The following FHIT variants were observed in gnomAD, a reference collection of about 807,000 sequenced individuals.
FHIT encodes the protein bis(5'-adenosyl)-triphosphatase.
In FHIT, 19 loss-of-function variants were observed where a neutral mutation model predicts 17.9. The observed-to-expected ratio is 1.06, with a 90% confidence interval of 0.74 to 1.56. The LOEUF (loss-of-function observed/expected upper bound fraction) is 1.56. Ranked by LOEUF, FHIT falls within the 40% of genes most tolerant of loss-of-function variation. The pLI, the probability that FHIT is intolerant of heterozygous loss-of-function variation, is 0.00. For synonymous variants in FHIT, 81 were observed against 69.7 expected, an observed-to-expected ratio of 1.16 and a Z score of -0.81; for missense variants, 248 against 189.2, an observed-to-expected ratio of 1.31 and a Z score of -1.82.
intron 5 of FHIT, among the ~76,000 whole-genome samples, chr3:60,138,543 C>G (rs1699909917): frequency 6.6e-6 from 1 of 152,132 alleles, no homozygotes; most frequent in Non-Finnish European, 1.5e-5. Context: ...GTTCCACATG[C>G]TATGCTATCA....
intron 5 of FHIT, among the ~76,000 whole-genome samples, chr3:60,446,704 T>G (rs1187818862): frequency 6.6e-6 from 1 of 151,830 alleles, no homozygotes; most frequent in African/African-American, 2.4e-5. Flanking sequence ...ACTTAAAATA[T>G]TAGCCAGGTA....
intron 4 of FHIT, among the ~76,000 whole-genome samples, chr3:60,820,788 A>G (rs1701897639): frequency 6.6e-6 from 1 of 152,286 alleles, no homozygotes; most frequent in East Asian, 1.9e-4. Context: ...CATATTTATT[A>G]TACATGTTAA....
At chr3:60,392,456 A>G (rs1701270349) in intron 5 of FHIT, among the ~76,000 whole-genome samples, 1 of 152,210 alleles carries the variant, frequency 6.6e-6, no homozygotes, top group Non-Finnish European at 1.5e-5. Flanking sequence ...CAAGGAAAAA[A>G]TTCACCTTGT....
At chr3:60,950,333 G>C (rs983318196) in intron 3 of FHIT, among the ~76,000 whole-genome samples, 1 of 152,180 alleles carries the variant, frequency 6.6e-6, no homozygotes, top group Admixed American at 6.5e-5. Context: ...TTTATTGAGA[G>C]CTGTTATCTT....
In FHIT at chr3:60,252,724, C is replaced by T. The variant is rs898765331; in HGVS notation, c.104-238572G>A. The stretch of plus-strand genomic sequence containing the variant: ...AAAAAGACTGGGCTGGGCGCGGTGG[C>T]TCATGCCTGTAATCCCAGCACTTTG... On this transcript the variant is annotated intron_variant, in intron 5 of 9. Coordinates refer to ENST00000492590, the MANE Select transcript of FHIT (RefSeq NM_002012.4). Among the ~76,000 whole-genome samples the T allele has an allele frequency of 3.3e-5, 5 of 152,084 alleles. No homozygotes were observed. The East Asian group carries it at 9.7e-4, about 29-fold the overall frequency.
intron 3 of FHIT, among the ~76,000 whole-genome samples, chr3:60,895,374 C>G (rs1034140622): frequency 6.6e-6 from 1 of 152,128 alleles, no homozygotes; most frequent in African/African-American, 2.4e-5. Flanking sequence ...GCCAGATTAC[C>G]TCACTGTATG....
At chr3:60,212,648 G>GA (rs148063857) in intron 5 of FHIT, among the ~76,000 whole-genome samples, 1,528 of 152,160 alleles carry the variant, frequency 0.01, 18 homozygotes, top group African/African-American at 0.035. Flanking sequence ...AGTAAGATAA[G>GA]AAAAAATCTA....
At chr3:59,887,476 A>C (rs1325306063) in intron 8 of FHIT, among the ~76,000 whole-genome samples, 2 of 152,192 alleles carry the variant, frequency 1.3e-5, no homozygotes, top group African/African-American at 4.8e-5. Flanking sequence ...CAGCAGTCAG[A>C]GAGCCAAGAA....
At chr3:59,969,647 G>C (rs754100324) in intron 7 of FHIT, among the ~76,000 whole-genome samples, 7 of 152,026 alleles carry the variant, frequency 4.6e-5, no homozygotes, top group African/African-American at 1.7e-4. Context: ...CTTCATTTGC[G>C]TACTTGCGTG....
At chr3:60,732,554 T>C (rs1274129119) in intron 4 of FHIT, 7 of 639,904 alleles carry the variant, frequency 1.1e-5, no homozygotes, top group South Asian at 2.8e-5. Context: ...CTTTGGAACC[T>C]CGTCTGCAAA....
intron 3 of FHIT, among the ~76,000 whole-genome samples, chr3:60,949,025 G>C (rs1708760992): frequency 1.3e-5 from 2 of 152,132 alleles, no homozygotes; most frequent in South Asian, 2.1e-4. Context: ...ACTTATAGTT[G>C]TATATAGTTG....
intron 2 of FHIT, among the ~76,000 whole-genome samples, chr3:61,082,754 T>C (rs1358317963): frequency 3.3e-5 from 5 of 152,230 alleles, no homozygotes; most frequent in African/African-American, 1.2e-4. Context: ...CAATGGTAGC[T>C]CATTGTCTCT....
intron 5 of FHIT, among the ~76,000 whole-genome samples, chr3:60,055,497 C>T (rs1702046126): frequency 1.3e-5 from 2 of 150,346 alleles, no homozygotes; most frequent in African/African-American, 2.5e-5. Flanking sequence ...GGCTCTCAGC[C>T]AATTTCTGTG....
chr3:60,325,751 TTCAG>T (rs1282412149), intron 5 of FHIT, among the ~76,000 whole-genome samples: 1 of 152,174 alleles, frequency 6.6e-6, no homozygotes, highest in Non-Finnish European at 1.5e-5. Flanking sequence ...CAGAATAAAA[TTCAG>T]TCAGTGTCCT....
At chr3:60,753,656 A>G (rs955049788) in intron 4 of FHIT, among the ~76,000 whole-genome samples, 3 of 152,214 alleles carry the variant, frequency 2.0e-5, no homozygotes, top group African/African-American at 7.2e-5. Context: ...AAGTTTTCTC[A>G]TGACACTACT....
chr3:60,179,937 G>T (rs560912924), intron 5 of FHIT, among the ~76,000 whole-genome samples: 2 of 152,166 alleles, frequency 1.3e-5, no homozygotes, highest in Non-Finnish European at 2.9e-5. Flanking sequence ...GATGGAATCT[G>T]AATGACAATT....
intron 8 of FHIT, among the ~76,000 whole-genome samples, chr3:59,916,207 C>T (rs1056315478): frequency 4.6e-5 from 7 of 152,228 alleles, no homozygotes; most frequent in East Asian, 1.9e-4. Flanking sequence ...CTGAGTTTTC[C>T]GGCCTTCATC....
chr3:60,165,970 C>T lies in FHIT; in HGVS notation c.104-151818G>A, dbSNP rs968564460. On this transcript the variant is annotated intron_variant, in intron 5 of 9. Coordinates refer to ENST00000492590, the MANE Select transcript of FHIT (RefSeq NM_002012.4). ...CATTTTTTTATACTTACAAAAATGC[C>T]TCCTTTGCTCTTTTTATCTACTGTT... Among the ~76,000 whole-genome samples the T allele has an allele frequency of 1.3e-3, 205 of 152,046 alleles. 1 individual carries two copies. The highest frequency in any genetic ancestry group is 4.8e-3 in the African/African-American group (198 of 41,468).
chr3:60,102,444 T>G (rs1009406361), intron 5 of FHIT, among the ~76,000 whole-genome samples: 2 of 152,132 alleles, frequency 1.3e-5, no homozygotes, highest in African/African-American at 4.8e-5. Context: ...TGCTTTCACT[T>G]CTATCACTTT....
Sources: allele counts gnomAD v4.1 joint callset (sites outside exome capture counted in the v4.1 genomes callset), GRCh38; gene constraint gnomAD v4.1.1; transcripts MANE v1.5; gene names NCBI Gene and HGNC (gene_info 2026-07-23, HGNC 2026-07-21).